Variants in WWOX observed in about 807,000 individuals in gnomAD.
The protein encoded by WWOX is WW domain-containing oxidoreductase.
Under a neutral mutation model 46.2 loss-of-function variants are expected in WWOX, and 69 were observed. That is an observed-to-expected ratio of 1.49 (90% CI 1.23 to 1.82). WWOX has a LOEUF of 1.82. WWOX is among the 40% of genes most tolerant of loss of function. The pLI, the probability that WWOX is intolerant of heterozygous loss-of-function variation, is 0.00. For missense variants in WWOX, 919 were observed against 542.6 expected (o/e 1.69, Z -6.89); for synonymous variants, 359 against 202.6 (o/e 1.77, Z -6.56).
At chr16:78,308,457 A>G (rs2080174985) in intron 5 of WWOX, among the ~76,000 whole-genome samples, 2 of 152,310 alleles carry the variant, frequency 1.3e-5, no homozygotes, top group South Asian at 4.1e-4. Flanking sequence ...CTGACAAAAC[A>G]GACTCTTTAT....
intron 5 of WWOX, among the ~76,000 whole-genome samples, chr16:78,242,195 G>A (rs2037673505): frequency 6.6e-6 from 1 of 152,162 alleles, no homozygotes; most frequent in Non-Finnish European, 1.5e-5. Context: ...TTCTTTAATG[G>A]GCTAAACAGC....
intron 6 of WWOX, among the ~76,000 whole-genome samples, chr16:78,391,677 G>A (rs1297281961): frequency 4.6e-5 from 7 of 152,116 alleles, no homozygotes; most frequent in Non-Finnish European, 7.4e-5. Flanking sequence ...GCAAAACCCC[G>A]TCTGTACTAA....
At chr16:79,094,061 C>G (rs991760872) in intron 8 of WWOX, among the ~76,000 whole-genome samples, 9 of 152,144 alleles carry the variant, frequency 5.9e-5, no homozygotes, top group African/African-American at 2.2e-4. Context: ...CATAATTTAG[C>G]CAGATAAAGT....
chr16:78,920,726 A>C (rs1228256751), intron 8 of WWOX, among the ~76,000 whole-genome samples: 4 of 152,108 alleles, frequency 2.6e-5, no homozygotes, highest in African/African-American at 9.7e-5. Flanking sequence ...AGTGTGACCT[A>C]CTTTTTATTA....
intron 5 of WWOX, among the ~76,000 whole-genome samples, chr16:78,330,003 C>G (rs2080718293): frequency 6.6e-6 from 1 of 152,138 alleles, no homozygotes; most frequent in Non-Finnish European, 1.5e-5. Flanking sequence ...GATCCTCCAG[C>G]CTTGTCCTCC....
intron 8 of WWOX, among the ~76,000 whole-genome samples, chr16:78,560,172 T>C (rs2044400758): frequency 6.6e-6 from 1 of 152,248 alleles, no homozygotes; most frequent in Non-Finnish European, 1.5e-5. Flanking sequence ...CTCCAGCTAG[T>C]AGCTCAGAAT....
chr16:78,980,355 C>G (rs568419902), intron 8 of WWOX, among the ~76,000 whole-genome samples: 11 of 152,250 alleles, frequency 7.2e-5, no homozygotes, highest in Admixed American at 4.6e-4. Flanking sequence ...AACACTTGCA[C>G]TGCTAATTTT....
intron 4 of WWOX, among the ~76,000 whole-genome samples, chr16:78,154,284 G>T (rs2034519662): frequency 6.6e-6 from 1 of 152,132 alleles, no homozygotes; most frequent in Non-Finnish European, 1.5e-5. Context: ...TATCTTGAGC[G>T]AGTCCATTGT....
At chr16:78,758,921 A>G (rs1320065640) in intron 8 of WWOX, among the ~76,000 whole-genome samples, 1 of 151,026 alleles carries the variant, frequency 6.6e-6, no homozygotes, top group Admixed American at 6.6e-5. Flanking sequence ...TTTGCATTAA[A>G]AAAAACCACA....
chr16:78,373,193 G>A (rs1264555909), intron 5 of WWOX, among the ~76,000 whole-genome samples: 1 of 152,074 alleles, frequency 6.6e-6, no homozygotes, highest in Non-Finnish European at 1.5e-5. Flanking sequence ...TAGAGCTTCA[G>A]ACTCAATAGG....
intron 5 of WWOX, among the ~76,000 whole-genome samples, chr16:78,335,008 G>A (rs976984423): frequency 6.6e-6 from 1 of 151,868 alleles, no homozygotes; most frequent in Non-Finnish European, 1.5e-5. Context: ...TCCCCAAGTA[G>A]CCCCTGGACC....
chr16:78,629,231 G>C (rs1201432715), intron 8 of WWOX, among the ~76,000 whole-genome samples: 2 of 124,140 alleles, frequency 1.6e-5, no homozygotes, highest in African/African-American at 5.5e-5. Context: ...TTTTCTCTTG[G>C]GTATTTTATT....
At chr16:79,008,144 G>A (rs1424932710) in intron 8 of WWOX, among the ~76,000 whole-genome samples, 2 of 152,134 alleles carry the variant, frequency 1.3e-5, no homozygotes, top group Non-Finnish European at 2.9e-5. Context: ...GGACTGAGGT[G>A]CTTGTTTTCT....
intron 5 of WWOX, among the ~76,000 whole-genome samples, chr16:78,244,598 A>G (rs997731866): frequency 3.3e-5 from 5 of 152,180 alleles, no homozygotes; most frequent in African/African-American, 1.2e-4. Context: ...TTGAGTAACT[A>G]TCTCTGGAAA....
intron 8 of WWOX, among the ~76,000 whole-genome samples, chr16:78,678,690 A>AT (rs1312406880): frequency 5.3e-5 from 8 of 152,104 alleles, no homozygotes; most frequent in African/African-American, 1.9e-4. Context: ...TGGGTCTGAG[A>AT]TAAACCTAAA....
chr16:78,631,266 C>T (rs1170187704), intron 8 of WWOX, among the ~76,000 whole-genome samples: 1 of 152,116 alleles, frequency 6.6e-6, no homozygotes, highest in Non-Finnish European at 1.5e-5. Context: ...TCCACCCCTT[C>T]CTCACCCAAG....
intron 8 of WWOX, among the ~76,000 whole-genome samples, chr16:78,684,520 G>A (rs959753707): frequency 1.3e-5 from 2 of 152,124 alleles, no homozygotes; most frequent in African/African-American, 4.8e-5. Flanking sequence ...TTTATTACGG[G>A]ACCTGGATGT....
At chr16:78,559,663 G>A (rs940055757) in intron 8 of WWOX, among the ~76,000 whole-genome samples, 5 of 152,208 alleles carry the variant, frequency 3.3e-5, no homozygotes, top group African/African-American at 1.2e-4. Flanking sequence ...TATTCCGGGA[G>A]GATTTTCTTT....
chr16:78,484,672 G>A (rs896633322), intron 8 of WWOX, among the ~76,000 whole-genome samples: 6 of 152,144 alleles, frequency 3.9e-5, no homozygotes, highest in African/African-American at 1.4e-4. Context: ...AAAGGCAGGA[G>A]TCTCTAAGCA....
Sources: gnomAD v4.1 joint callset for allele counts (sites outside exome capture counted in the v4.1 genomes callset) on GRCh38, gnomAD v4.1.1 for gene constraint, MANE v1.5 for transcripts, NCBI Gene and HGNC (gene_info 2026-07-23, HGNC 2026-07-21) for gene names.